OTOP2: variants seen among roughly 807,000 people sequenced by gnomAD.
OTOP2 encodes otopetrin 2.
OTOP2 carries 41 observed loss-of-function variants against 47.4 expected under a neutral mutation model. That is an observed-to-expected ratio of 0.87 (90% CI 0.67 to 1.12). The LOEUF (loss-of-function observed/expected upper bound fraction) is 1.12. OTOP2 is among the 50% of genes most tolerant of loss of function. The pLI, the probability that OTOP2 is intolerant of heterozygous loss-of-function variation, is 0.00. For missense variants in OTOP2, 721 were observed against 752.2 expected (o/e 0.96, Z 0.49); for synonymous variants, 328 against 319.6 (o/e 1.03, Z -0.28).
At chr17:74,927,192 A>T (rs778438004) in intron 3 of OTOP2, 31 bp from the exon 4 acceptor site, 1 of 1,584,008 alleles carries the variant, frequency 6.3e-7, no homozygotes, top group South Asian at 1.1e-5. Context: ...TCTATGGAGT[A>T]AATGACTCTC....
At chr17:74,926,267 A>G (rs1285893199) in intron 3 of OTOP2, among the ~76,000 whole-genome samples, 1 of 152,160 alleles carries the variant, frequency 6.6e-6, no homozygotes, top group Admixed American at 6.5e-5. Flanking sequence ...CCCCAGAAAC[A>G]TCACTCCTGC....
chr17:74,929,644 T>C (rs1457872054), intron 5 of OTOP2, among the ~76,000 whole-genome samples: 1 of 151,894 alleles, frequency 6.6e-6, no homozygotes, highest in African/African-American at 2.4e-5. Flanking sequence ...CAGGCTGGCC[T>C]CAAACTCCTG....
Position 74,927,691 on chromosome 17 carries a change from C to T in OTOP2, c.536C>T (p.Thr179Ile). The change falls in exon 5 of 7, where the codon ACC (threonine) becomes ATC (isoleucine). Residue 179 changes from threonine (T) to isoleucine (I), a missense_variant. Physicochemically the swap from Thr to Ile is moderately conservative, Grantham distance 89 (BLOSUM62 -1). Transcript: ENST00000331427. ...TGTGGTCTCATGTTCACACTCACCACCAACCTGGCCATCTGGATGGCGGCC... is the reference window on the plus strand; with the variant it reads ...TGTGGTCTCATGTTCACACTCACCATCAACCTGGCCATCTGGATGGCGGCC... ...TWCGLMFTLT[T>I]NLAIWMAAVV... 6.2e-7 allele frequency: 1 copy of T among 1,614,100 alleles called. No individual in the cohort carries two copies. Among genetic ancestry groups the T allele is most frequent in the South Asian group, 1.1e-5 (1 of 91,070 alleles).
intron 3 of OTOP2, 75 bp downstream of exon 3, chr17:74,925,767 G>A (rs567665661): frequency 1.3e-5 from 21 of 1,589,908 alleles, no homozygotes; most frequent in East Asian, 6.7e-5. Context: ...ACAAGGGGTC[G>A]GAGACCTGAG....
In OTOP2 at chr17:74,931,094, C is replaced by T. The variant is rs987406344; in HGVS notation, c.1459C>T (p.Gln487Ter). ...AVAIVSTPRS[Q>*]WRRQCLKDIS... The stretch of plus-strand genomic sequence containing the variant: ...GGCCATCGTCTCAACCCCCAGAAGC[C>T]AGTGGAGACGCCAGTGCCTAAAAGA... Residue 487 changes from glutamine (Q) to a stop codon, truncating the protein, a stop_gained, in exon 6 of 7, where the codon CAG becomes TAG. Transcript: ENST00000331427. LOFTEE classifies it high-confidence loss of function. 2 of 1,613,748 alleles carry T rather than the reference C, an allele frequency of 1.2e-6. No individual in the cohort carries two copies. Among genetic ancestry groups the T allele is most frequent in the Middle Eastern group, 3.3e-4 (2 of 6,060 alleles).
intron 5 of OTOP2, among the ~76,000 whole-genome samples, chr17:74,928,855 G>T (rs2039032047): frequency 6.6e-6 from 1 of 152,152 alleles, no homozygotes; most frequent in Admixed American, 6.5e-5. Context: ...GCAACAGAAA[G>T]CATGGCCCCT....
Position 74,924,389 on chromosome 17 carries a change from G to C in OTOP2, c.-34+56G>C, listed in dbSNP as rs1567942831. On this transcript the variant is annotated intron_variant, in intron 1 of 6. Transcript: ENST00000331427. This position sits in a 1 kb window ranked among gnomAD's most constrained non-coding sequence, Gnocchi z 7.7. ...CTTGGGGAGTGGGGACCTTGGAGGGGTCCAACCGGGTGCTGCCGCTTCTCC... is the reference window on the plus strand; with the variant it reads ...CTTGGGGAGTGGGGACCTTGGAGGGCTCCAACCGGGTGCTGCCGCTTCTCC... 5.7e-6 allele frequency: 3 copies of C among 529,254 alleles called. No individual in the cohort carries two copies. 32.8% of individuals were successfully genotyped at this position (529,254 alleles called of 1,614,324 possible).
At position 74,924,483 on chromosome 17, in the gene OTOP2, C is replaced by A; in HGVS notation, c.-33-117C>A. On this transcript the variant is annotated intron_variant, in intron 1 of 6. Transcript: ENST00000331427. The surrounding 1 kb of genome is among the most constrained non-coding windows in gnomAD (Gnocchi z 7.7). ...TCCCCTTTCCCAGCGCTTCCTCCAG[C>A]ACCCGAAGCCCCAACCCTGCGGGTC... 2 of 878,974 alleles carry A rather than the reference C, an allele frequency of 2.3e-6. No individual in the cohort carries two copies. The highest frequency in any genetic ancestry group is 3.3e-6 in the Non-Finnish European group (2 of 603,816). The allele number at this position is 878,974 out of a possible 1,614,324, so 54.4% of individuals were successfully genotyped here.
intron 3 of OTOP2, 78 bp downstream of exon 3, chr17:74,925,770 G>A: frequency 6.3e-7 from 1 of 1,587,884 alleles, no homozygotes; most frequent in Non-Finnish European, 8.6e-7. Context: ...AGGGGTCGGA[G>A]ACCTGAGCTC....
In OTOP2 at chr17:74,925,766, C is replaced by G. The variant is rs554252546; in HGVS notation, c.450+74C>G. On this transcript the variant is annotated intron_variant, in intron 3 of 6. Transcript: ENST00000331427. The stretch of plus-strand genomic sequence containing the variant: ...CATTGGGAAGGACCCAACAAGGGGT[C>G]GGAGACCTGAGCTCCATCCGCCTCG... 17 of 1,592,042 alleles carry G rather than the reference C, an allele frequency of 1.1e-5. No homozygotes were observed. The Admixed American group carries it at 2.7e-4, about 26-fold the overall frequency.
Position 74,933,224 on chromosome 17 carries a change from C to G in OTOP2, c.1519-151C>G. The G allele has an allele frequency of 1.1e-6, 1 of 929,486 alleles. No individual in the cohort carries two copies. The highest frequency in any genetic ancestry group is 1.6e-6 in the Non-Finnish European group (1 of 619,632). 57.6% of individuals were successfully genotyped at this position (929,486 alleles called of 1,614,324 possible). On this transcript the variant is annotated intron_variant, in intron 6 of 6. Transcript: ENST00000331427. This position sits in a 1 kb window ranked among gnomAD's most constrained non-coding sequence, Gnocchi z 4.7. Reference sequence around the variant, plus strand: ...AGTGTGCTAGGTCCTGTCCAAAATGCTAGAGCTGCCCATTCACTGACACCC... The same window carrying G: ...AGTGTGCTAGGTCCTGTCCAAAATGGTAGAGCTGCCCATTCACTGACACCC...
Position 74,933,325 on chromosome 17 carries a change from C to A in OTOP2, c.1519-50C>A. ...CCCAGCAAAACCCACAGAAATGACC[C>A]ACAGGCATCCATCCAGGCCAGCTCC... On this transcript the variant is annotated intron_variant, in intron 6 of 6. Coordinates refer to ENST00000331427, the MANE Select transcript of OTOP2 (RefSeq NM_178160.3). This position sits in a 1 kb window ranked among gnomAD's most constrained non-coding sequence, Gnocchi z 4.7. 1 of 1,555,600 alleles carries A rather than the reference C, an allele frequency of 6.4e-7. No homozygotes were observed. Among genetic ancestry groups the A allele is most frequent in the Non-Finnish European group, 8.8e-7 (1 of 1,141,966 alleles).
rs747645057 is a variant in OTOP2, at chr17:74,933,464, C to T, written c.1608C>T (p.Ile536=). 6 of 1,614,078 alleles carry T rather than the reference C, an allele frequency of 3.7e-6. No individual in the cohort carries two copies. The highest frequency in any genetic ancestry group is 2.2e-5 in the South Asian group (2 of 91,088). ...ACGGCTACTCCCTCTGGGCGGTCAT[C>T]GTCAACATCTGCCTCCCTTTCGGCA... ...DFYGYSLWAV[I]VNICLPFGIF... The change falls in exon 7 of 7, where the codon ATC becomes ATT. Residue 536 remains isoleucine (I), a synonymous_variant. Coordinates refer to ENST00000331427, the MANE Select transcript of OTOP2 (RefSeq NM_178160.3). This position sits in a 1 kb window ranked among gnomAD's most constrained non-coding sequence, Gnocchi z 4.7.
At chr17:74,926,058 G>C (rs907363987) in intron 3 of OTOP2, among the ~76,000 whole-genome samples, 2 of 152,244 alleles carry the variant, frequency 1.3e-5, no homozygotes, top group Admixed American at 6.5e-5. Flanking sequence ...TGCCAGCTTG[G>C]TCCCTCTGTG....
At position 74,924,985 on chromosome 17, in the gene OTOP2, AG is replaced by A; in HGVS notation, c.313+43del. On this transcript the variant is annotated intron_variant, in intron 2 of 6. Coordinates refer to ENST00000331427, the MANE Select transcript of OTOP2 (RefSeq NM_178160.3). The surrounding 1 kb of genome is among the most constrained non-coding windows in gnomAD (Gnocchi z 7.7). ...GGGGGCGAGGTAGGGTGGGCACAAC[AG>A]GGAGCTGCAGGCTAGGGCTCTCGCA... 1 of 1,508,226 alleles carries A rather than the reference AG, an allele frequency of 6.6e-7. No individual in the cohort carries two copies. Among genetic ancestry groups the A allele is most frequent in the Non-Finnish European group, 8.9e-7 (1 of 1,125,980 alleles). 93.4% of individuals were successfully genotyped at this position (1,508,226 alleles called of 1,614,324 possible). A position where few individuals can be genotyped will look rare whatever the true frequency, so the allele number is the denominator to read the frequency against.
In OTOP2 at chr17:74,930,678, T is replaced by C. The variant is rs773811511; in HGVS notation, c.1043T>C (p.Ile348Thr). The C allele has an allele frequency of 5.0e-6, 8 of 1,614,012 alleles. No homozygotes were observed. The South Asian group carries it at 8.8e-5, about 18-fold the overall frequency. The change falls in exon 6 of 7, where the codon ATC becomes ACC. Residue 348 changes from isoleucine (I) to threonine (T), a missense_variant. Coordinates refer to ENST00000331427, the MANE Select transcript of OTOP2 (RefSeq NM_178160.3). The surrounding 1 kb of genome is among the most constrained non-coding windows in gnomAD (Gnocchi z 4.0). ...LTTLVSLSGS[I>T]IYRFDRRAMD... ...ACCTTGGTCAGCCTGAGCGGCTCCA[T>C]CATCTACCGTTTTGACCGCCGGGCC...
chr17:74,924,685 C>G lies in OTOP2; in HGVS notation c.53C>G (p.Ala18Gly), dbSNP rs1052105417. ...AAGGAGAGCCCCCCGGCGCCGCGTGCGGGCCCCAGGGAGGTGTGGAAGAAG... is the reference window on the plus strand; with the variant it reads ...AAGGAGAGCCCCCCGGCGCCGCGTGGGGGCCCCAGGGAGGTGTGGAAGAAG... ...GPKESPPAPR[A>G]GPREVWKKGG... The change falls in exon 2 of 7, where the codon GCG (alanine) becomes GGG (glycine). Residue 18 changes from alanine (A) to glycine (G), a missense_variant. Coordinates refer to ENST00000331427, the MANE Select transcript of OTOP2 (RefSeq NM_178160.3). This position sits in a 1 kb window ranked among gnomAD's most constrained non-coding sequence, Gnocchi z 7.7. 6.3e-7 allele frequency: 1 copy of G among 1,597,608 alleles called. No individual in the cohort carries two copies. Among genetic ancestry groups the G allele is most frequent in the Non-Finnish European group, 8.5e-7 (1 of 1,174,322 alleles).
intron 5 of OTOP2, among the ~76,000 whole-genome samples, chr17:74,928,238 G>A (rs1431624584): frequency 6.6e-6 from 1 of 152,124 alleles, no homozygotes; most frequent in Non-Finnish European, 1.5e-5. Context: ...CAGCTACTAT[G>A]GGAGGCTGAG....
intron 3 of OTOP2, 133 bp downstream of exon 3, chr17:74,925,825 C>A: frequency 7.7e-7 from 1 of 1,305,568 alleles, no homozygotes; most frequent in Non-Finnish European, 1.0e-6. Flanking sequence ...AGGGACAGGG[C>A]TGTAGAGAGC....
Sources: gnomAD v4.1 joint callset for allele counts (sites outside exome capture counted in the v4.1 genomes callset) on GRCh38, gnomAD v4.1.1 for gene constraint, Gnocchi (gnomAD v3.1) non-coding constraint, MANE v1.5 for transcripts, NCBI Gene and HGNC (gene_info 2026-07-23, HGNC 2026-07-21) for gene names.